LIPA: variants seen among roughly 807,000 people sequenced by gnomAD.
LIPA encodes lipase A, lysosomal acid type.
Under a neutral mutation model 40.6 loss-of-function variants are expected in LIPA, and 26 were observed. That is an observed-to-expected ratio of 0.64 (90% confidence interval 0.47 to 0.89). LIPA has a LOEUF of 0.89. Ranked by LOEUF, LIPA falls within the 40% of genes least tolerant of loss-of-function variation. The pLI is 0.00. For missense variants in LIPA, 455 were observed against 479.6 expected (o/e 0.95, Z 0.48); for synonymous variants, 188 against 168.4 (o/e 1.12, Z -0.90).
At chr10:89,284,691 T>A (rs1843332496) in intron 1 of LIPA, 1 of 152,348 alleles carries the variant, frequency 6.6e-6, no homozygotes, top group South Asian at 2.0e-4. Flanking sequence ...TTAAACATTA[T>A]GCTTCTGTGT....
chr10:89,403,610 C>T (rs372737209), intron 2 of LIPA: 36 of 1,613,834 alleles, frequency 2.2e-5, no homozygotes, highest in Non-Finnish European at 2.7e-5. Context: ...TCCTTGGGTT[C>T]GTCTACAAAT....
chr10:89,307,314 C>G (rs1327386100), intron 1 of LIPA: 19 of 1,613,528 alleles, frequency 1.2e-5, no homozygotes, highest in Non-Finnish European at 1.5e-5. Flanking sequence ...GATGAAGACT[C>G]TGAGAGGGGT....
At chr10:89,316,183 T>C (rs1318335082) in intron 1 of LIPA, among the ~76,000 whole-genome samples, 3 of 152,148 alleles carry the variant, frequency 2.0e-5, no homozygotes, top group African/African-American at 7.2e-5. Context: ...TTTCTGCATT[T>C]CCAACTGAGG....
At chr10:89,332,680 C>T (rs1843668055) in intron 1 of LIPA, 1 of 1,550,636 alleles carries the variant, frequency 6.4e-7, no homozygotes, top group Non-Finnish European at 8.9e-7. Flanking sequence ...TGTACAACTT[C>T]CTGACTTATG....
chr10:89,378,157 C>A (rs1251558947), intron 2 of LIPA: 1 of 1,613,184 alleles, frequency 6.2e-7, no homozygotes, highest in African/African-American at 1.3e-5. Flanking sequence ...TCTTTCTCTG[C>A]TTCACTGACC....
intron 1 of LIPA, among the ~76,000 whole-genome samples, chr10:89,256,974 AATGTGAATAAGTGTGCCATATTATACT>A (rs1843184799): frequency 6.6e-6 from 1 of 152,246 alleles, no homozygotes; most frequent in Non-Finnish European, 1.5e-5. Context: ...TCAGGTTTGC[AATGTGAATAAGTGTGCCATATTATACT>A]ATGTGCATAT....
chr10:89,296,667 GA>G (rs1322623440), intron 1 of LIPA, among the ~76,000 whole-genome samples: 3 of 151,912 alleles, frequency 2.0e-5, no homozygotes, highest in African/African-American at 4.8e-5. Context: ...GCCCTAGGCA[GA>G]AAAAAAATTA....
upstream of LIPA, among the ~76,000 whole-genome samples, chr10:89,252,653 C>G (rs1843144367): frequency 6.6e-6 from 1 of 152,016 alleles, no homozygotes; most frequent in Non-Finnish European, 1.5e-5. Flanking sequence ...ACTAAAAATA[C>G]AAAATTAGCG....
intron 3 of LIPA, among the ~76,000 whole-genome samples, chr10:89,237,985 C>T (rs551230285): frequency 6.6e-6 from 1 of 152,298 alleles, no homozygotes; most frequent in South Asian, 2.1e-4. Flanking sequence ...TCATGAAGGT[C>T]TGGAAGAATT....
At chr10:89,274,300 T>A (rs1202451897) in intron 1 of LIPA, among the ~76,000 whole-genome samples, 1 of 152,254 alleles carries the variant, frequency 6.6e-6, no homozygotes, top group East Asian at 1.9e-4. Flanking sequence ...ACTCACCTTT[T>A]AATGTCCAAA....
chr10:89,293,840 C>A (rs1190796403), intron 1 of LIPA, among the ~76,000 whole-genome samples: 1 of 152,134 alleles, frequency 6.6e-6, no homozygotes, highest in Admixed American at 6.5e-5. Context: ...CCTCACAGGC[C>A]CTATCTCCAA....
At chr10:89,337,625 C>T (rs1347132363) in intron 1 of LIPA, among the ~76,000 whole-genome samples, 1 of 152,222 alleles carries the variant, frequency 6.6e-6, no homozygotes, top group East Asian at 1.9e-4. Flanking sequence ...GTCTTGAATC[C>T]TGGGCTCAGG....
chr10:89,235,660 C>T (rs904400129), intron 3 of LIPA, among the ~76,000 whole-genome samples: 2 of 152,214 alleles, frequency 1.3e-5, no homozygotes, highest in Non-Finnish European at 2.9e-5. Context: ...CCGGACAGGA[C>T]TCCGTCACAC....
In LIPA at chr10:89,273,092, C is replaced by T. The variant is rs1843273830; in HGVS notation, c.-1-25443G>A. Among the ~76,000 whole-genome samples, 3 of 152,204 alleles carry T rather than the reference C, an allele frequency of 2.0e-5. No individual in the cohort carries two copies. The South Asian group carries it at 6.2e-4, about 31-fold the overall frequency. ...AGAAGTTATAAACACTAGCTACAAC[C>T]TTGTGCCCTGTCTTAGAAATGAAGA... On this transcript the variant is annotated intron_variant, in intron 1 of 5. Coordinates refer to the LIPA transcript ENST00000282673.
At chr10:89,325,749 A>G (rs1843594560) in intron 1 of LIPA, among the ~76,000 whole-genome samples, 2 of 152,168 alleles carry the variant, frequency 1.3e-5, no homozygotes, top group Admixed American at 1.3e-4. Flanking sequence ...AAAACTACCT[A>G]TCATGTACTA....
intron 1 of LIPA, among the ~76,000 whole-genome samples, chr10:89,312,678 G>A (rs892186415): frequency 6.6e-5 from 10 of 151,144 alleles, no homozygotes; most frequent in African/African-American, 1.2e-4. Flanking sequence ...GCGTGGTGGC[G>A]GGCACCTGTA....
intron 1 of LIPA, among the ~76,000 whole-genome samples, chr10:89,324,971 C>CAT (rs1435650544): frequency 6.6e-6 from 1 of 152,094 alleles, no homozygotes; most frequent in East Asian, 1.9e-4. Context: ...CCGCAATAAA[C>CAT]ATATGAACCA....
intron 3 of LIPA, among the ~76,000 whole-genome samples, chr10:89,233,895 T>G (rs1027798380): frequency 6.6e-6 from 1 of 151,522 alleles, no homozygotes; most frequent in Non-Finnish European, 1.5e-5. Context: ...AAAAAAGCAA[T>G]GGCAAAAACC....
chr10:89,306,191 G>A (rs1346850678), intron 1 of LIPA: 2 of 1,614,170 alleles, frequency 1.2e-6, no homozygotes, highest in Non-Finnish European at 1.7e-6. Flanking sequence ...TAAAGCTGAA[G>A]AGTTAATCCA....
Sources: gnomAD v4.1 joint callset for allele counts (sites outside exome capture counted in the v4.1 genomes callset) on GRCh38, gnomAD v4.1.1 for gene constraint, MANE v1.5 for transcripts, NCBI Gene and HGNC (gene_info 2026-07-23, HGNC 2026-07-21) for gene names.